Variants in CPN1 observed in about 807,000 individuals in gnomAD.
CPN1 encodes carboxypeptidase N catalytic chain.
A neutral mutation model predicts 46.4 loss-of-function variants in CPN1; 37 were observed. The observed-to-expected ratio is 0.80, with a 90% CI of 0.61 to 1.05. CPN1 has a LOEUF of 1.05. CPN1 is among the 50% of genes least tolerant of loss of function. CPN1 has a pLI of 0.00. For missense variants in CPN1, 563 were observed against 602.6 expected, an observed-to-expected ratio of 0.93 and a Z score of 0.69; for synonymous variants, 224 against 235.4, an observed-to-expected ratio of 0.95 and a Z score of 0.44.
chr10:100,075,706 T>C (rs765468665), intron 2 of CPN1, among the ~76,000 whole-genome samples: 2 of 152,214 alleles, frequency 1.3e-5, no homozygotes, highest in Non-Finnish European at 2.9e-5. Flanking sequence ...AGAGAGCCCA[T>C]GTTTATTGCC....
At chr10:100,056,949 C>G (rs1008116002) in intron 6 of CPN1, 64 bp downstream of exon 6, 69 of 1,608,334 alleles carry the variant, frequency 4.3e-5, no homozygotes, top group Non-Finnish European at 5.6e-5. Context: ...AGTGAAACAC[C>G]TTGCCTGCCA....
chr10:100,050,822 A>G (rs7095471), intron 7 of CPN1, among the ~76,000 whole-genome samples: 21,468 of 152,146 alleles, frequency 0.14, 2,780 homozygotes, highest in African/African-American at 0.34. Flanking sequence ...GTAGAGATGG[A>G]GGTCTTGCTA....
At chr10:100,054,841 C>CTTTTTTTTTTTTT (rs56250435) in intron 6 of CPN1, among the ~76,000 whole-genome samples, 11 of 132,734 alleles carry the variant, frequency 8.3e-5, no homozygotes, top group South Asian at 2.4e-4. Context: ...TTCTTTCTTT[C>CTTTTTTTTTTTTT]TTTTTTTTTT....
chr10:100,053,704 T>C (rs949347526), intron 7 of CPN1, among the ~76,000 whole-genome samples: 2 of 151,330 alleles, frequency 1.3e-5, no homozygotes, highest in Non-Finnish European at 2.9e-5. Context: ...GCCACTGTTA[T>C]GCATTAAAAG....
At chr10:100,069,661 A>C in intron 3 of CPN1, 53 bp downstream of exon 3, 3 of 1,611,582 alleles carry the variant, frequency 1.9e-6, no homozygotes, top group Non-Finnish European at 2.5e-6. Context: ...GTCTTTCTGC[A>C]AGAAATTCCA....
At chr10:100,068,611 A>C (rs1475865736) in intron 3 of CPN1, among the ~76,000 whole-genome samples, 1 of 152,168 alleles carries the variant, frequency 6.6e-6, no homozygotes, top group African/African-American at 2.4e-5. Context: ...CAGGCAGGAC[A>C]ATAGTTCACT....
In CPN1 at chr10:100,072,434, G is replaced by A. The variant is rs535025843; in HGVS notation, c.421-2565C>T. ...AAGTGATCCACCCACCTCCCAAAGT[G>A]CTGGGATTAACAGACGTGAGCCACT... is the stretch of plus-strand genomic sequence containing the variant. On this transcript the variant is annotated intron_variant, in intron 2 of 8. Coordinates refer to ENST00000370418, the MANE Select transcript of CPN1 (RefSeq NM_001308.3). Among the ~76,000 whole-genome samples the A allele has an allele frequency of 1.6e-3, 245 of 152,244 alleles. 2 individuals are homozygous for A. The highest frequency in any genetic ancestry group is 5.7e-3 in the African/African-American group (235 of 41,542).
At chr10:100,056,247 G>T (rs193230374) in intron 6 of CPN1, among the ~76,000 whole-genome samples, 1 of 152,236 alleles carries the variant, frequency 6.6e-6, no homozygotes, top group African/African-American at 2.4e-5. Flanking sequence ...AATGATTAGT[G>T]GTGCTGAGCA....
In CPN1 at chr10:100,048,778, C is replaced by G. The variant is rs369526580; in HGVS notation, c.1210G>C (p.Gly404Arg). The G allele has an allele frequency of 1.9e-6, 3 of 1,613,276 alleles. No homozygotes were observed. The highest frequency in any genetic ancestry group is 2.7e-5 in the African/African-American group (2 of 75,026). ...CTCACCAACGTTGGTTCCGCAGGACCCACGGTCACAGTTACTGTCTCTGGG... is the reference window on the plus strand; with the variant it reads ...CTCACCAACGTTGGTTCCGCAGGACGCACGGTCACAGTTACTGTCTCTGGG... Reference protein sequence around the residue: ...YDPETVTVTVGPAEPTLVNFH... With the variant: ...YDPETVTVTVRPAEPTLVNFH... Residue 404 changes from glycine (G) to arginine (R), a missense_variant, in exon 8 of 9, where the codon GGT becomes CGT. Gly to Arg is a moderately radical substitution (Grantham distance 125). Coordinates refer to ENST00000370418, the MANE Select transcript of CPN1 (RefSeq NM_001308.3).
chr10:100,065,429 G>C, intron 3 of CPN1, 59 bp from the exon 4 acceptor site: 1 of 1,594,078 alleles, frequency 6.3e-7, no homozygotes, highest in East Asian at 2.2e-5. Flanking sequence ...AACAAACGGC[G>C]GTTAGAGTAA....
Position 100,076,090 on chromosome 10 carries a change from A to T in CPN1, c.241T>A (p.Tyr81Asn). The change falls in exon 2 of 9, where the codon TAT (tyrosine) becomes AAT (asparagine). Residue 81 changes from tyrosine (Y) to asparagine (N), a missense_variant. Coordinates refer to ENST00000370418, the MANE Select transcript of CPN1 (RefSeq NM_001308.3). ...IHEPLEPEVK[Y>N]VGNMHGNEAL... ...TCGTTGCCGTGCATGTTCCCCACAT[A>T]CTTGACCTCTGGTTCCACTGCAAGG... 1.2e-6 allele frequency: 2 copies of T among 1,614,222 alleles called. No homozygotes were observed. The highest frequency in any genetic ancestry group is 1.7e-6 in the Non-Finnish European group (2 of 1,180,048).
chr10:100,065,873 T>C (rs2041452050), intron 3 of CPN1, among the ~76,000 whole-genome samples: 2 of 152,024 alleles, frequency 1.3e-5, no homozygotes, highest in South Asian at 4.1e-4. Context: ...CTGTACTTTT[T>C]GCTCAATTTT....
chr10:100,065,605 T>A (rs1227760158), intron 3 of CPN1, among the ~76,000 whole-genome samples: 1 of 152,172 alleles, frequency 6.6e-6, no homozygotes, highest in Non-Finnish European at 1.5e-5. Context: ...GGAATCCCAA[T>A]ATACAAAAGA....
intron 3 of CPN1, among the ~76,000 whole-genome samples, chr10:100,065,843 G>C (rs1456255761): frequency 6.6e-6 from 1 of 151,716 alleles, no homozygotes; most frequent in Non-Finnish European, 1.5e-5. Flanking sequence ...GTGGAGTGGG[G>C]TGGGGAGTAT....
rs981703724 is a variant in CPN1, at chr10:100,042,365, G to A, written c.*62C>T. The A allele has an allele frequency of 3.1e-6, 5 of 1,594,740 alleles. No individual in the cohort carries two copies. Among genetic ancestry groups the A allele is most frequent in the Non-Finnish European group, 3.4e-6 (4 of 1,164,676 alleles). On this transcript the variant is annotated 3_prime_UTR_variant, in exon 9 of 9. Coordinates refer to ENST00000370418, the MANE Select transcript of CPN1 (RefSeq NM_001308.3). ...TCCCAGATAATAAAATAGAAAGAAT[G>A]CTTGATCTGATCTGAGAGCAGGAGC...
At chr10:100,049,717 T>C (rs1265319019) in intron 7 of CPN1, among the ~76,000 whole-genome samples, 1 of 152,194 alleles carries the variant, frequency 6.6e-6, no homozygotes, top group African/African-American at 2.4e-5. Context: ...TGGCTTTTCT[T>C]AATAGCATGA....
chr10:100,052,950 C>T (rs2041364164), intron 7 of CPN1, among the ~76,000 whole-genome samples: 1 of 152,000 alleles, frequency 6.6e-6, no homozygotes. Context: ...ATAGTGAGAC[C>T]CCATCACCTT....
In CPN1 at chr10:100,052,074, A is replaced by ATT. The variant is rs574139639; in HGVS notation, c.1111+2271_1111+2272dup. Among the ~76,000 whole-genome samples, 132 of 132,890 alleles carry ATT rather than the reference A, an allele frequency of 9.9e-4. 1 individual carries two copies. The highest frequency in any genetic ancestry group is 4.0e-3 in the Middle Eastern group (1 of 252). 87.2% of individuals were successfully genotyped at this position (132,890 alleles called of 152,430 possible). A position where few individuals can be genotyped will look rare whatever the true frequency, so the allele number is the denominator to read the frequency against. On this transcript the variant is annotated intron_variant, in intron 7 of 8. Transcript: ENST00000370418. ...CAGACCACACCACCACACCCAGCTA[A>ATT]TTTTTTTTTTTTTTGAGACAGAGTC...
intron 5 of CPN1, among the ~76,000 whole-genome samples, chr10:100,059,289 C>A (rs2041403754): frequency 6.6e-6 from 1 of 151,920 alleles, no homozygotes; most frequent in African/African-American, 2.4e-5. Context: ...CAAACAAATA[C>A]AATGTCAACA....
Sources: gnomAD v4.1 joint callset for allele counts (sites outside exome capture counted in the v4.1 genomes callset) on GRCh38, gnomAD v4.1.1 for gene constraint, MANE v1.5 for transcripts, NCBI Gene and HGNC (gene_info 2026-07-23, HGNC 2026-07-21) for gene names.